Variants in NRG1 observed in about 807,000 individuals in gnomAD.
The protein encoded by NRG1 is neuregulin 1, also known as pro-neuregulin-1, membrane-bound isoform.
A neutral mutation model predicts 63.8 loss-of-function variants in NRG1; 18 were observed. The ratio of observed to expected loss-of-function variants is 0.28; its 90% CI spans 0.19 to 0.42. The LOEUF is 0.42. NRG1 is among the 10% of genes least tolerant of loss of function. The pLI, the probability that NRG1 is intolerant of heterozygous loss-of-function variation, is 1.00. For missense variants in NRG1, 762 were observed against 814.7 expected (o/e 0.94, Z 0.79); for synonymous variants, 302 against 301.3 (o/e 1.00, Z -0.02).
chr8:32,652,825 G>A (rs908842568), intron 5 of NRG1, among the ~76,000 whole-genome samples: 2 of 151,896 alleles, frequency 1.3e-5, no homozygotes, highest in Non-Finnish European at 2.9e-5. Flanking sequence ...CCCAGAAAAC[G>A]ATGTTCCAAA....
downstream of NRG1, among the ~76,000 whole-genome samples, chr8:32,768,719 A>C (rs1427413010): frequency 6.6e-6 from 1 of 152,202 alleles, no homozygotes. Flanking sequence ...CCCTTCATAT[A>C]TTCCAAGCAT....
At chr8:31,783,158 T>A (rs1433552579) in intron 1 of NRG1, among the ~76,000 whole-genome samples, 1 of 152,146 alleles carries the variant, frequency 6.6e-6, no homozygotes, top group East Asian at 1.9e-4. Context: ...GTCAAAAGGA[T>A]CAGTCCAAAC....
chr8:32,390,764 C>G (rs1188950233), intron 1 of NRG1, among the ~76,000 whole-genome samples: 1 of 152,128 alleles, frequency 6.6e-6, no homozygotes, highest in Non-Finnish European at 1.5e-5. Flanking sequence ...CCAATGCCTT[C>G]CCTAGACCAG....
chr8:31,874,830 T>G (rs1297350755), intron 1 of NRG1, among the ~76,000 whole-genome samples: 1 of 151,884 alleles, frequency 6.6e-6, no homozygotes, highest in African/African-American at 2.4e-5. Context: ...CTCATTTCTG[T>G]GTACATGTGA....
At chr8:31,820,524 C>G (rs1275646349) in intron 1 of NRG1, among the ~76,000 whole-genome samples, 3 of 152,170 alleles carry the variant, frequency 2.0e-5, no homozygotes, top group African/African-American at 7.2e-5. Flanking sequence ...GTTGCCAGTA[C>G]TCTTTGCTAA....
intron 5 of NRG1, among the ~76,000 whole-genome samples, chr8:32,704,140 T>C (rs1815702827): frequency 6.6e-6 from 1 of 152,166 alleles, no homozygotes; most frequent in Admixed American, 6.6e-5. Flanking sequence ...ATGCAAGGTG[T>C]GTTAAAGGCA....
At chr8:32,477,984 T>C (rs1307043205) in intron 1 of NRG1, among the ~76,000 whole-genome samples, 1 of 152,248 alleles carries the variant, frequency 6.6e-6, no homozygotes, top group Non-Finnish European at 1.5e-5. Context: ...TGTAACAGAA[T>C]GCATTGGAGA....
At chr8:32,463,889 T>C in intron 1 of NRG1, among the ~76,000 whole-genome samples, 2 of 57,202 alleles carry the variant, frequency 3.5e-5, no homozygotes, top group African/African-American at 1.5e-4. Flanking sequence ...TTTTTTTTTT[T>C]TTTTTTTTTT....
downstream of NRG1, among the ~76,000 whole-genome samples, chr8:32,772,620 C>A (rs1233366882): frequency 1.3e-5 from 2 of 151,726 alleles, no homozygotes; most frequent in Non-Finnish European, 2.9e-5. Context: ...TCTTTTTTGC[C>A]TTACTGGAGG....
At chr8:32,626,851 T>C (rs951366942) in intron 5 of NRG1, among the ~76,000 whole-genome samples, 1 of 151,552 alleles carries the variant, frequency 6.6e-6, no homozygotes, top group African/African-American at 2.4e-5. Flanking sequence ...TGAAACCCTG[T>C]CTCTACTAAA....
At position 32,345,729 on chromosome 8, in the gene NRG1, C is replaced by T. The variant is rs868249843; in HGVS notation, c.38-250099C>T. On this transcript the variant is annotated intron_variant, in intron 1 of 10. Coordinates refer to the NRG1 transcript ENST00000519301. ...TCATACCTGTAATCCCAGCACTTAG[C>T]GAGACTGAGGCGGGTGGATCATTTG... Among the ~76,000 whole-genome samples, 36 of 152,122 alleles carry T rather than the reference C, an allele frequency of 2.4e-4. 1 individual carries two copies. The Middle Eastern group carries it at 0.01, about 43-fold the overall frequency.
intron 1 of NRG1, among the ~76,000 whole-genome samples, chr8:32,115,009 C>G (rs990034484): frequency 6.6e-6 from 1 of 151,954 alleles, no homozygotes; most frequent in Non-Finnish European, 1.5e-5. Context: ...GTGACAACCA[C>G]CCTTACAGTC....
In NRG1 at chr8:31,788,103, A is replaced by G. The variant is rs577570660; in HGVS notation, c.37+148672A>G. ...TGCAAAGCTTGTGCTCTTAACTTCT[A>G]TTTTATCTTGTATCTGTAAAGATAT... is the stretch of plus-strand genomic sequence containing the variant. On this transcript the variant is annotated intron_variant, in intron 1 of 10. Coordinates refer to the NRG1 transcript ENST00000519301. Among the ~76,000 whole-genome samples the G allele has an allele frequency of 2.6e-5, 4 of 152,194 alleles. No homozygotes were observed. In the South Asian group the frequency reaches 8.3e-4, roughly 31 times the overall value.
chr8:32,484,347 G>A (rs1825672986), intron 1 of NRG1, among the ~76,000 whole-genome samples: 1 of 152,212 alleles, frequency 6.6e-6, no homozygotes, highest in Non-Finnish European at 1.5e-5. Flanking sequence ...TTTTGAATTA[G>A]TGTGATTTAA....
chr8:32,439,274 A>G (rs1336266196), intron 1 of NRG1, among the ~76,000 whole-genome samples: 1 of 152,214 alleles, frequency 6.6e-6, no homozygotes, highest in African/African-American at 2.4e-5. Context: ...CATTTGTTAA[A>G]AACGTACTCT....
intron 1 of NRG1, among the ~76,000 whole-genome samples, chr8:32,526,633 A>T (rs1182226795): frequency 2.6e-5 from 4 of 152,146 alleles, no homozygotes; most frequent in African/African-American, 9.7e-5. Context: ...TCTCACTTCC[A>T]TCAAGCTTAC....
chr8:32,242,767 A>T (rs778166137), intron 1 of NRG1, among the ~76,000 whole-genome samples: 2 of 152,148 alleles, frequency 1.3e-5, no homozygotes, highest in Non-Finnish European at 2.9e-5. Flanking sequence ...TTTTATATTA[A>T]TTTTTTACAA....
At chr8:32,373,807 A>T (rs1479543871) in intron 1 of NRG1, among the ~76,000 whole-genome samples, 1 of 152,136 alleles carries the variant, frequency 6.6e-6, no homozygotes, top group Non-Finnish European at 1.5e-5. Flanking sequence ...ATATATGGTA[A>T]TCTAATGGGA....
At chr8:31,904,902 C>T (rs1382162584) in intron 1 of NRG1, among the ~76,000 whole-genome samples, 1 of 152,074 alleles carries the variant, frequency 6.6e-6, no homozygotes, top group Non-Finnish European at 1.5e-5. Context: ...GATCAAAAAA[C>T]TACCTATCAA....
Sources: gnomAD v4.1 joint callset for allele counts (sites outside exome capture counted in the v4.1 genomes callset) on GRCh38, gnomAD v4.1.1 for gene constraint, MANE v1.5 for transcripts, NCBI Gene and HGNC (gene_info 2026-07-23, HGNC 2026-07-21) for gene names.